Variants in PPHLN1 observed in about 807,000 individuals in gnomAD.
PPHLN1 encodes periphilin 1.
Under a neutral mutation model 51.3 loss-of-function variants are expected in PPHLN1, and 29 were observed. The ratio of observed to expected loss-of-function variants is 0.57; its 90% confidence interval spans 0.42 to 0.77. The LOEUF is 0.77. Among genes scored for constraint, PPHLN1 ranks in the 30% least tolerant of loss-of-function variants. The pLI is 0.00. For missense variants in PPHLN1, 436 were observed against 438.4 expected (o/e 0.99, Z 0.05); for synonymous variants, 147 against 147.8 (o/e 0.99, Z 0.04).
chr12:42,446,511 A>G (rs2083331328), downstream of PPHLN1: 2 of 1,530,118 alleles, frequency 1.3e-6, no homozygotes, highest in Non-Finnish European at 1.8e-6. Flanking sequence ...AAAGACCCCC[A>G]CTCCTGGGGG....
At chr12:42,347,942 T>C (rs1297848867) in intron 2 of PPHLN1, among the ~76,000 whole-genome samples, 1 of 152,170 alleles carries the variant, frequency 6.6e-6, no homozygotes, top group African/African-American at 2.4e-5. Context: ...TTAAATCTTT[T>C]CATATAGCTA....
chr12:42,416,431 C>T (rs1344452481), intron 9 of PPHLN1, among the ~76,000 whole-genome samples: 1 of 152,076 alleles, frequency 6.6e-6, no homozygotes, highest in African/African-American at 2.4e-5. Context: ...TGCATACACA[C>T]AATTAAAGGG....
chr12:42,363,307 T>C (rs992201377), intron 4 of PPHLN1, among the ~76,000 whole-genome samples: 2 of 148,030 alleles, frequency 1.4e-5, no homozygotes, highest in African/African-American at 4.9e-5. Context: ...CTCCAGCACC[T>C]TTTTTAAAAT....
intron 9 of PPHLN1, among the ~76,000 whole-genome samples, chr12:42,416,141 T>G (rs73272073): frequency 0.01 from 1,584 of 152,002 alleles, 26 homozygotes; most frequent in African/African-American, 0.036. Context: ...GTGGGTAAAA[T>G]CATCTTACAT....
At position 42,335,969 on chromosome 12, in the gene PPHLN1, C is replaced by G. The variant is rs1295508790; in HGVS notation, c.67C>G (p.Pro23Ala). The part of the protein sequence containing the change: ...PRERAPPRSH[P>A]SDGYNRLVNI... ...AGAACGAGCACCTCCTCGAAGTCAT[C>G]CCAGTGTAAGTTACTCCTACATATT... is the stretch of plus-strand genomic sequence containing the variant. The change falls in exon 2 of 10, where the codon CCC (proline) becomes GCC (alanine). Residue 23 changes from proline (P) to alanine (A), a missense_variant. By Grantham distance (27) the Pro-to-Ala change is conservative. Coordinates refer to ENST00000358314, the MANE Select transcript of PPHLN1 (RefSeq NM_201439.2). 5 of 1,572,886 alleles carry G rather than the reference C, an allele frequency of 3.2e-6. No homozygotes were observed. In the South Asian group the frequency reaches 5.9e-5, roughly 19 times the overall value.
At chr12:42,402,817 T>C (rs1159321604) in intron 9 of PPHLN1, among the ~76,000 whole-genome samples, 1 of 152,186 alleles carries the variant, frequency 6.6e-6, no homozygotes, top group Non-Finnish European at 1.5e-5. Context: ...CTTCCGTAGA[T>C]AGGGTGTTAG....
At chr12:42,389,834 A>T (rs1012477679) in intron 7 of PPHLN1, among the ~76,000 whole-genome samples, 12 of 128,456 alleles carry the variant, frequency 9.3e-5, no homozygotes, top group African/African-American at 2.8e-4. Context: ...TTCATACAGA[A>T]ATCTTAGTAG....
intron 9 of PPHLN1, chr12:42,399,233 T>C: frequency 9.0e-7 from 1 of 1,114,490 alleles, no homozygotes; most frequent in East Asian, 4.0e-5. Context: ...ATATTAATAT[T>C]CTAGTTAGTA....
At chr12:42,356,666 A>G (rs2074078985) in intron 4 of PPHLN1, among the ~76,000 whole-genome samples, 1 of 152,240 alleles carries the variant, frequency 6.6e-6, no homozygotes, top group Admixed American at 6.5e-5. Context: ...ATGCTTTGAT[A>G]AAATTAATCA....
At chr12:42,378,605 T>C (rs2076507361) in intron 5 of PPHLN1, among the ~76,000 whole-genome samples, 1 of 152,176 alleles carries the variant, frequency 6.6e-6, no homozygotes, top group African/African-American at 2.4e-5. Context: ...AAAAAATTAA[T>C]TTTTTCCTTT....
chr12:42,374,755 C>T (rs2076107784), intron 4 of PPHLN1, 108 bp from the exon 5 acceptor site: 1 of 959,768 alleles, frequency 1.0e-6, no homozygotes, highest in Non-Finnish European at 1.5e-6. Context: ...CACCCGGCCC[C>T]AAGAGTACAA....
intron 8 of PPHLN1, among the ~76,000 whole-genome samples, chr12:42,394,132 TTGTC>T (rs1370613006): frequency 6.6e-6 from 1 of 152,122 alleles, no homozygotes; most frequent in Non-Finnish European, 1.5e-5. Context: ...AAATTATTCA[TTGTC>T]TGGGCAACCC....
At chr12:42,447,784 T>G (rs948517200), downstream of PPHLN1, 2 of 152,234 alleles carry the variant, frequency 1.3e-5, no homozygotes, top group African/African-American at 4.8e-5. Flanking sequence ...TGCATAATTT[T>G]AACAGATTCT....
At chr12:42,405,884 A>G (rs1220355210) in intron 9 of PPHLN1, among the ~76,000 whole-genome samples, 1 of 152,062 alleles carries the variant, frequency 6.6e-6, no homozygotes, top group Non-Finnish European at 1.5e-5. Flanking sequence ...TTAGTGATGT[A>G]TGTAATACAG....
At chr12:42,407,957 C>CAACT (rs1192678137) in intron 9 of PPHLN1, among the ~76,000 whole-genome samples, 1 of 152,126 alleles carries the variant, frequency 6.6e-6, no homozygotes, top group African/African-American at 2.4e-5. Flanking sequence ...TACTCAGAGC[C>CAACT]AACTGTACCA....
chr12:42,385,551 G>T (rs1392097537), intron 6 of PPHLN1, among the ~76,000 whole-genome samples: 3 of 152,162 alleles, frequency 2.0e-5, no homozygotes, highest in African/African-American at 7.2e-5. Context: ...CTAAGCAAAA[G>T]ATCAACAGCT....
At chr12:42,357,081 A>G (rs1308168661) in intron 4 of PPHLN1, among the ~76,000 whole-genome samples, 1 of 152,240 alleles carries the variant, frequency 6.6e-6, no homozygotes, top group African/African-American at 2.4e-5. Context: ...AAAGAGTATG[A>G]GGCCTATACA....
chr12:42,381,773 TATC>T (rs1371053187), intron 5 of PPHLN1, among the ~76,000 whole-genome samples: 3 of 152,222 alleles, frequency 2.0e-5, no homozygotes, highest in Non-Finnish European at 4.4e-5. Context: ...AAAATTTTCT[TATC>T]ATCTGTGTAG....
chr12:42,436,985 C>T (rs1290508290), intron 9 of PPHLN1, among the ~76,000 whole-genome samples: 1 of 152,208 alleles, frequency 6.6e-6, no homozygotes, highest in African/African-American at 2.4e-5. Context: ...TTCTTTCACA[C>T]ATCTTGTCAT....
Sources: allele counts gnomAD v4.1 joint callset (sites outside exome capture counted in the v4.1 genomes callset), GRCh38; gene constraint gnomAD v4.1.1; transcripts MANE v1.5; gene names NCBI Gene and HGNC (gene_info 2026-07-23, HGNC 2026-07-21).